TNFRSF11B: variants seen among roughly 807,000 people sequenced by gnomAD.
TNFRSF11B encodes TNF receptor superfamily member 11b, also known as tumor necrosis factor receptor superfamily member 11B.
TNFRSF11B carries 16 observed loss-of-function variants against 43.4 expected under a neutral mutation model. The observed-to-expected ratio is 0.37, with a 90% CI of 0.25 to 0.56. The LOEUF is 0.56. Among genes scored for constraint, TNFRSF11B ranks in the 20% least tolerant of loss-of-function variants. The pLI is 0.80. For synonymous variants in TNFRSF11B, 185 were observed against 181.8 expected (o/e 1.02, Z -0.14); for missense variants, 444 against 490.1 (o/e 0.91, Z 0.89).
rs530824126 is a variant in TNFRSF11B at position 118,935,728 on chromosome 8, C to G, written c.31-2428G>C. On this transcript the variant is annotated intron_variant, in intron 1 of 4. Coordinates refer to ENST00000297350, the MANE Select transcript of TNFRSF11B (RefSeq NM_002546.4). ...AAAGTAATGAGAAATACTGTTTTCT[C>G]TTGCTGTTCACATTCAGTTTCCTGG... Among the ~76,000 whole-genome samples, 3 of 152,278 alleles carry G rather than the reference C, an allele frequency of 2.0e-5. No individual in the cohort carries two copies. The South Asian group carries it at 6.2e-4, about 32-fold the overall frequency.
At chr8:118,932,484 A>C (rs185749383) in intron 2 of TNFRSF11B, among the ~76,000 whole-genome samples, 152 of 152,334 alleles carry the variant, frequency 1.0e-3, no homozygotes, top group Non-Finnish European at 2.0e-3. Context: ...ATAATTAATT[A>C]TAACTGCTTA....
chr8:118,951,867 A>T lies in TNFRSF11B; in HGVS notation c.-46T>A. On this transcript the variant is annotated 5_prime_UTR_variant, in exon 1 of 5. Coordinates refer to ENST00000297350, the MANE Select transcript of TNFRSF11B (RefSeq NM_002546.4). ...GGGGCTTGGAGGCGGCGGCTGGGCG[A>T]GCGCTCCGGTGCGTCTCCGCAGCCC... 6.4e-7 allele frequency: 1 copy of T among 1,552,074 alleles called. No homozygotes were observed. Among genetic ancestry groups the T allele is most frequent in the Admixed American group, 1.9e-5 (1 of 53,304 alleles).
chr8:118,951,885 C>T lies in TNFRSF11B; in HGVS notation c.-64G>A. ...CTGGGCGAGCGCTCCGGTGCGTCTC[C>T]GCAGCCCGTGCGCTCATCACGTTAT... is the stretch of plus-strand genomic sequence containing the variant. On this transcript the variant is annotated 5_prime_UTR_variant, in exon 1 of 5. Transcript: ENST00000297350. The T allele has an allele frequency of 2.1e-6, 3 of 1,446,488 alleles. No homozygotes were observed. The highest frequency in any genetic ancestry group is 2.9e-6 in the Non-Finnish European group (3 of 1,050,480). The allele number at this position is 1,446,488 out of a possible 1,614,324, so 89.6% of individuals were successfully genotyped here.
At position 118,932,922 on chromosome 8, in the gene TNFRSF11B, G is replaced by A. The variant is rs1455820034; in HGVS notation, c.400+9C>T. 6.2e-7 allele frequency: 1 copy of A among 1,613,980 alleles called. No individual in the cohort carries two copies. Among genetic ancestry groups the A allele is most frequent in the South Asian group, 1.1e-5 (1 of 91,030 alleles). On this transcript the variant is annotated intron_variant, in intron 2 of 4. Transcript: ENST00000297350. Reference sequence around the variant, plus strand: ...ATCCTAATTAATTTTGCTGCACATTGACACGTACCAGCTTGCACCACTCCA... The same window carrying A: ...ATCCTAATTAATTTTGCTGCACATTAACACGTACCAGCTTGCACCACTCCA...
chr8:118,924,121 C>A lies in TNFRSF11B; in HGVS notation c.*253G>T. 3 of 336,770 alleles carry A rather than the reference C, an allele frequency of 8.9e-6. No homozygotes were observed. The highest frequency in any genetic ancestry group is 5.5e-6 in the Non-Finnish European group (1 of 182,552). 20.9% of individuals were successfully genotyped at this position (336,770 alleles called of 1,614,324 possible). A position where few individuals can be genotyped will look rare whatever the true frequency, so the allele number is the denominator to read the frequency against. ...TTTTTTTTAATTTCCAGTTGAATTA[C>A]TGCAAGCAGTAATAAGGGAAAATAT... On this transcript the variant is annotated 3_prime_UTR_variant, in exon 5 of 5. Transcript: ENST00000297350.
At chr8:118,944,450 G>A (rs534198036) in intron 1 of TNFRSF11B, among the ~76,000 whole-genome samples, 2 of 152,002 alleles carry the variant, frequency 1.3e-5, no homozygotes, top group East Asian at 1.9e-4. Flanking sequence ...CATTCTCCCC[G>A]ACCCCATCCT....
intron 1 of TNFRSF11B, among the ~76,000 whole-genome samples, chr8:118,939,337 G>A (rs1318850436): frequency 6.6e-6 from 1 of 152,144 alleles, no homozygotes; most frequent in Non-Finnish European, 1.5e-5. Flanking sequence ...ACTAAGTGGA[G>A]TTGAATAAGT....
At chr8:118,928,594 A>G (rs1368328684) in intron 3 of TNFRSF11B, 144 bp downstream of exon 3, 1 of 867,698 alleles carries the variant, frequency 1.2e-6, no homozygotes. Context: ...GCAGTAATGC[A>G]TCGAGAGTAG....
intron 4 of TNFRSF11B, among the ~76,000 whole-genome samples, chr8:118,925,632 A>T (rs1424673392): frequency 6.6e-6 from 1 of 152,202 alleles, no homozygotes; most frequent in Non-Finnish European, 1.5e-5. Flanking sequence ...GAAGTTTTTT[A>T]GGGTAGTGCA....
At chr8:118,940,330 AAAAAG>A (rs1323552187) in intron 1 of TNFRSF11B, among the ~76,000 whole-genome samples, 1 of 152,334 alleles carries the variant, frequency 6.6e-6, no homozygotes, top group African/African-American at 2.4e-5. Context: ...AAAGTATTAA[AAAAAG>A]AAAAGGGTGT....
At chr8:118,947,022 T>C (rs1323154466) in intron 1 of TNFRSF11B, among the ~76,000 whole-genome samples, 1 of 152,190 alleles carries the variant, frequency 6.6e-6, no homozygotes, top group Non-Finnish European at 1.5e-5. Flanking sequence ...CAGGCTTAGA[T>C]TGCACTCCAA....
intron 1 of TNFRSF11B, among the ~76,000 whole-genome samples, chr8:118,946,955 A>G (rs527743647): frequency 8.4e-4 from 128 of 152,246 alleles, no homozygotes; most frequent in African/African-American, 2.9e-3. Context: ...TGTATTCTCT[A>G]CTCAGTAGAT....
Position 118,926,687 on chromosome 8 carries a change from C to G in TNFRSF11B, c.624G>C (p.Arg208Ser). The change falls in exon 4 of 5, where the codon AGG becomes AGC. Residue 208 changes from arginine (R) to serine (S), a missense_variant. Physicochemically the swap from Arg to Ser is moderately radical, Grantham distance 110. Coordinates refer to ENST00000297350, the MANE Select transcript of TNFRSF11B (RefSeq NM_002546.4). Reference protein sequence around the residue: ...DVTLCEEAFFRFAVPTKFTPN... With the variant: ...DVTLCEEAFFSFAVPTKFTPN... ...GCGTAAACTTTGTAGGAACAGCAAA[C>G]CTGAAGAATGCCTCCTCACACAGGG... 1.2e-6 allele frequency: 2 copies of G among 1,613,912 alleles called. No homozygotes were observed. Among genetic ancestry groups the G allele is most frequent in the Non-Finnish European group, 1.7e-6 (2 of 1,179,932 alleles).
intron 1 of TNFRSF11B, among the ~76,000 whole-genome samples, chr8:118,946,829 G>A (rs545468600): frequency 6.6e-6 from 1 of 152,068 alleles, no homozygotes; most frequent in Non-Finnish European, 1.5e-5. Context: ...ATATCTAAAT[G>A]CCTACTTGAC....
At chr8:118,928,435 A>G (rs1812277343) in intron 3 of TNFRSF11B, among the ~76,000 whole-genome samples, 1 of 152,158 alleles carries the variant, frequency 6.6e-6, no homozygotes. Context: ...TACAGTTTGG[A>G]CTCTCCTAAT....
At chr8:118,925,551 G>A (rs887896467) in intron 4 of TNFRSF11B, among the ~76,000 whole-genome samples, 1 of 152,164 alleles carries the variant, frequency 6.6e-6, no homozygotes, top group Non-Finnish European at 1.5e-5. Context: ...TTTACTCTTT[G>A]CATAAGCAAA....
At chr8:118,930,344 C>T (rs1248794254) in intron 2 of TNFRSF11B, 1 of 152,926 alleles carries the variant, frequency 6.5e-6, no homozygotes, top group East Asian at 1.9e-4. Flanking sequence ...GACTTGGACA[C>T]CTGGACCCAG....
At chr8:118,936,426 G>T (rs1812406981) in intron 1 of TNFRSF11B, among the ~76,000 whole-genome samples, 1 of 152,062 alleles carries the variant, frequency 6.6e-6, no homozygotes, top group South Asian at 2.1e-4. Context: ...CTCAATCTTT[G>T]GTTAGCCCCA....
intron 1 of TNFRSF11B, among the ~76,000 whole-genome samples, chr8:118,950,333 C>T (rs11573813): frequency 6.6e-6 from 1 of 152,162 alleles, no homozygotes; most frequent in African/African-American, 2.4e-5. Context: ...ACAGCAATGA[C>T]AACGGACAAA....
Sources: allele counts gnomAD v4.1 joint callset (sites outside exome capture counted in the v4.1 genomes callset), GRCh38; gene constraint gnomAD v4.1.1; transcripts MANE v1.5; gene names NCBI Gene and HGNC (gene_info 2026-07-23, HGNC 2026-07-21).